Variants in SH3RF3 observed in about 807,000 individuals in gnomAD.
The protein encoded by SH3RF3 is E3 ubiquitin-protein ligase SH3RF3.
SH3RF3 carries 29 observed loss-of-function variants against 66.3 expected under a neutral mutation model. The ratio of observed to expected loss-of-function variants is 0.44; its 90% CI spans 0.33 to 0.60. The LOEUF is 0.60. SH3RF3 is among the 20% of genes least tolerant of loss of function. SH3RF3 has a pLI of 0.04. For missense variants in SH3RF3, 1,194 were observed against 1,190.9 expected (o/e 1.00, Z -0.04); for synonymous variants, 583 against 532.0 (o/e 1.10, Z -1.32).
intron 2 of SH3RF3, among the ~76,000 whole-genome samples, chr2:109,364,042 T>C (rs1683106412): frequency 6.6e-6 from 1 of 152,148 alleles, no homozygotes; most frequent in Admixed American, 6.5e-5. Flanking sequence ...TTGTTTCAAA[T>C]ATTCCTTCTG....
chr2:109,252,119 C>T (rs117580838), intron 1 of SH3RF3, among the ~76,000 whole-genome samples: 1 of 151,888 alleles, frequency 6.6e-6, no homozygotes, highest in Non-Finnish European at 1.5e-5. Flanking sequence ...TGTCACAGGC[C>T]TATAGTCTCA....
intron 1 of SH3RF3, among the ~76,000 whole-genome samples, chr2:109,314,503 C>T (rs1363342499): frequency 1.3e-4 from 20 of 152,126 alleles, no homozygotes; most frequent in Admixed American, 9.8e-4. Context: ...ATGTCACCTC[C>T]GTGCAGGAAT....
chr2:109,306,589 G>A (rs6542810), intron 1 of SH3RF3, among the ~76,000 whole-genome samples: 47,275 of 152,122 alleles, frequency 0.31, 9,067 homozygotes, highest in African/African-American at 0.54. Context: ...CAGGCAGGAA[G>A]CTACATGCCA....
chr2:109,322,591 C>T (rs955258901), intron 1 of SH3RF3, among the ~76,000 whole-genome samples: 21 of 152,170 alleles, frequency 1.4e-4, no homozygotes, highest in Admixed American at 8.5e-4. Flanking sequence ...AATAAATTTG[C>T]TGAATGAATA....
intron 3 of SH3RF3, among the ~76,000 whole-genome samples, chr2:109,393,951 G>A (rs1030845941): frequency 5.9e-5 from 9 of 151,880 alleles, no homozygotes; most frequent in African/African-American, 1.7e-4. Context: ...TGGCGCTGTC[G>A]TGGACCCAGC....
At chr2:109,433,464 G>C (rs140227736) in intron 6 of SH3RF3, among the ~76,000 whole-genome samples, 17 of 152,232 alleles carry the variant, frequency 1.1e-4, no homozygotes, top group Non-Finnish European at 2.1e-4. Flanking sequence ...CCACAGCTTG[G>C]TGATATCAGT....
rs149069568 is a variant in SH3RF3 at position 109,209,229 on chromosome 2, T to G, written c.573+79116T>G. Reference sequence around the variant, plus strand: ...ATATGCCGTGGCATCAACACCTGTTTATGGGCTGTAGGAAAACTGAGAGGT... The same window carrying G: ...ATATGCCGTGGCATCAACACCTGTTGATGGGCTGTAGGAAAACTGAGAGGT... On this transcript the variant is annotated intron_variant, in intron 1 of 9. Coordinates refer to ENST00000309415, the MANE Select transcript of SH3RF3 (RefSeq NM_001099289.3). Among the ~76,000 whole-genome samples the G allele has an allele frequency of 2.7e-3, 411 of 152,306 alleles. 2 individuals are homozygous for G. The highest frequency in any genetic ancestry group is 9.3e-3 in the African/African-American group (386 of 41,552).
intron 6 of SH3RF3, among the ~76,000 whole-genome samples, 185 bp downstream of exon 6, chr2:109,432,856 A>G (rs1677278814): frequency 6.6e-6 from 1 of 152,224 alleles, no homozygotes; most frequent in Non-Finnish European, 1.5e-5. Flanking sequence ...CTGGGTTTGC[A>G]CTCAACTCCT....
intron 1 of SH3RF3, among the ~76,000 whole-genome samples, chr2:109,221,839 A>G (rs955735299): frequency 2.0e-5 from 3 of 151,916 alleles, no homozygotes; most frequent in East Asian, 1.9e-4. Context: ...ATATGATCCA[A>G]CAATCCCACT....
intron 1 of SH3RF3, among the ~76,000 whole-genome samples, chr2:109,211,350 A>G (rs1281621761): frequency 6.6e-6 from 1 of 152,246 alleles, no homozygotes; most frequent in African/African-American, 2.4e-5. Flanking sequence ...GGCAACAGTA[A>G]ACAGCAATTT....
At chr2:109,282,442 C>T (rs544269888) in intron 1 of SH3RF3, among the ~76,000 whole-genome samples, 54 of 152,326 alleles carry the variant, frequency 3.5e-4, no homozygotes, top group African/African-American at 1.2e-3. Flanking sequence ...TCTGGTCCTG[C>T]TCCACCACTG....
At chr2:109,365,349 C>T (rs1474881052) in intron 2 of SH3RF3, among the ~76,000 whole-genome samples, 1 of 152,226 alleles carries the variant, frequency 6.6e-6, no homozygotes, top group Non-Finnish European at 1.5e-5. Flanking sequence ...ACATCAGTTA[C>T]AGTTCAGGCC....
At position 109,503,395 on chromosome 2, in the gene SH3RF3, T is replaced by C. The variant is rs1183534487; in HGVS notation, c.*1724T>C. On this transcript the variant is annotated 3_prime_UTR_variant, in exon 10 of 10. Transcript: ENST00000309415. ...TTCCTGTTTTGGGACGTGACTTGGC[T>C]ACTTGTTACTTCCAGGTGGTCACCA... 6.6e-6 allele frequency: 1 copy of C among 152,168 alleles called. No individual in the cohort carries two copies. The highest frequency in any genetic ancestry group is 1.5e-5 in the Non-Finnish European group (1 of 68,034). 9.4% of individuals were successfully genotyped at this position (152,168 alleles called of 1,614,324 possible). A position where few individuals can be genotyped will look rare whatever the true frequency, so the allele number is the denominator to read the frequency against.
intron 1 of SH3RF3, among the ~76,000 whole-genome samples, chr2:109,290,618 C>G (rs533654021): frequency 3.7e-4 from 56 of 152,224 alleles, no homozygotes; most frequent in Non-Finnish European, 6.2e-4. Context: ...TTCTTGAAGC[C>G]TCTGGATTCC....
chr2:109,321,171 C>T (rs954255765), intron 1 of SH3RF3, among the ~76,000 whole-genome samples: 14 of 152,262 alleles, frequency 9.2e-5, no homozygotes, highest in Non-Finnish European at 1.9e-4. Context: ...TCAAACGCTT[C>T]TTTGCAGCTC....
intron 1 of SH3RF3, among the ~76,000 whole-genome samples, chr2:109,290,609 T>C (rs1681143384): frequency 6.6e-6 from 1 of 152,230 alleles, no homozygotes; most frequent in Non-Finnish European, 1.5e-5. Flanking sequence ...TCCTAAGTCT[T>C]CTTGAAGCCT....
chr2:109,454,141 T>G (rs1294453412), intron 8 of SH3RF3, among the ~76,000 whole-genome samples: 3 of 152,240 alleles, frequency 2.0e-5, no homozygotes, highest in Non-Finnish European at 4.4e-5. Context: ...ACAAAGGTAC[T>G]GCTTAATATA....
chr2:109,180,384 C>A (rs1184077592), intron 1 of SH3RF3, among the ~76,000 whole-genome samples: 1 of 152,190 alleles, frequency 6.6e-6, no homozygotes, highest in African/African-American at 2.4e-5. Context: ...CAGGGAATTA[C>A]TTCACAGCAG....
rs141743724 is a variant in SH3RF3 at position 109,319,287 on chromosome 2, G to A, written c.574-28387G>A. On this transcript the variant is annotated intron_variant, in intron 1 of 9. Transcript: ENST00000309415. Reference sequence around the variant, plus strand: ...TGAGAAAGAGTTGGTTCCTGGCATCGTGATATGAACTCTACATTTATTTCC... The same window carrying A: ...TGAGAAAGAGTTGGTTCCTGGCATCATGATATGAACTCTACATTTATTTCC... 1.9e-3 allele frequency among the ~76,000 whole-genome samples: 286 copies of A among 152,312 alleles called. 1 individual carries two copies. Among genetic ancestry groups the A allele is most frequent in the Non-Finnish European group, 3.5e-3 (237 of 68,038 alleles).
Sources: gnomAD v4.1 joint callset for allele counts (sites outside exome capture counted in the v4.1 genomes callset) on GRCh38, gnomAD v4.1.1 for gene constraint, MANE v1.5 for transcripts, NCBI Gene and HGNC (gene_info 2026-07-23, HGNC 2026-07-21) for gene names.